Variants in SPON1 observed in about 807,000 individuals in gnomAD.
SPON1 encodes spondin 1.
A neutral mutation model predicts 111.7 loss-of-function variants in SPON1; 52 were observed. The ratio of observed to expected loss-of-function variants is 0.47; its 90% CI spans 0.37 to 0.59. The LOEUF (loss-of-function observed/expected upper bound fraction) is 0.59. Ranked by LOEUF, SPON1 falls within the 20% of genes least tolerant of loss-of-function variation. The probability of loss-of-function intolerance (pLI) is 0.00; values close to 1 mark genes in which losing one functional copy is unlikely to be tolerated. For missense variants in SPON1, 957 were observed against 1,068.5 expected, an observed-to-expected ratio of 0.90 and a Z score of 1.46; for synonymous variants, 410 against 395.8, an observed-to-expected ratio of 1.04 and a Z score of -0.43.
intron 5 of SPON1, among the ~76,000 whole-genome samples, chr11:14,119,238 T>C (rs145998440): frequency 7.1e-4 from 108 of 152,218 alleles, no homozygotes; most frequent in Non-Finnish European, 1.4e-3. Flanking sequence ...GGACTGCAGG[T>C]ACTTCGTGTA....
chr11:14,045,213 T>C (rs138726442), intron 3 of SPON1, among the ~76,000 whole-genome samples: 81 of 152,334 alleles, frequency 5.3e-4, no homozygotes, highest in African/African-American at 1.9e-3. Flanking sequence ...TTAAGATTCA[T>C]AAAGATTGTG....
intron 8 of SPON1, 88 bp from the exon 9 acceptor site, chr11:14,255,559 G>C: frequency 8.3e-7 from 1 of 1,209,764 alleles, no homozygotes; most frequent in Non-Finnish European, 1.2e-6. Flanking sequence ...TCCTATCAAG[G>C]ACTTTGCTCT....
At chr11:14,042,897 C>T (rs1161123303) in intron 3 of SPON1, among the ~76,000 whole-genome samples, 2 of 152,186 alleles carry the variant, frequency 1.3e-5, no homozygotes, top group African/African-American at 4.8e-5. Context: ...GTCTGGCCTC[C>T]CTTTGCCGCC....
chr11:13,986,308 A>C (rs1848182132), intron 2 of SPON1, among the ~76,000 whole-genome samples: 1 of 152,218 alleles, frequency 6.6e-6, no homozygotes, highest in Admixed American at 6.5e-5. Context: ...CTTCTGTTTA[A>C]CACCTTCACT....
intron 5 of SPON1, among the ~76,000 whole-genome samples, chr11:14,099,235 T>C (rs1849125189): frequency 6.6e-6 from 1 of 152,222 alleles, no homozygotes; most frequent in African/African-American, 2.4e-5. Flanking sequence ...AGTAAGATCA[T>C]TCACTATTTC....
Position 14,111,175 on chromosome 11 carries a change from A to G in SPON1, c.677-24245A>G, listed in dbSNP as rs189503175. 1.3e-3 allele frequency among the ~76,000 whole-genome samples: 201 copies of G among 152,278 alleles called. 4 individuals carry two copies. The highest frequency in any genetic ancestry group is 0.013 in the Admixed American group (200 of 15,298). Reference sequence around the variant, plus strand: ...AAGGGCTGCAAAAATCTCTCATATTACCCTCAACCCTTGGGCAGCAATCAT... The same window carrying G: ...AAGGGCTGCAAAAATCTCTCATATTGCCCTCAACCCTTGGGCAGCAATCAT... On this transcript the variant is annotated intron_variant, in intron 5 of 15. Coordinates refer to ENST00000576479, the MANE Select transcript of SPON1 (RefSeq NM_006108.4).
At chr11:14,178,787 T>C (rs1254337557) in intron 6 of SPON1, among the ~76,000 whole-genome samples, 1 of 146,842 alleles carries the variant, frequency 6.8e-6, no homozygotes, top group Non-Finnish European at 1.5e-5. Flanking sequence ...ATCCCTCATT[T>C]ATCCAGTGAC....
chr11:14,174,013 C>T (rs1848143324), intron 6 of SPON1, among the ~76,000 whole-genome samples: 1 of 152,270 alleles, frequency 6.6e-6, no homozygotes, highest in African/African-American at 2.4e-5. Context: ...GGATTACTGG[C>T]TTCAGGGTGG....
At chr11:14,078,667 A>C (rs782188274) in intron 4 of SPON1, among the ~76,000 whole-genome samples, 5 of 152,202 alleles carry the variant, frequency 3.3e-5, no homozygotes, top group Admixed American at 1.3e-4. Context: ...GACCTTGAAC[A>C]GGTTACCTAA....
intron 3 of SPON1, among the ~76,000 whole-genome samples, chr11:14,057,073 C>G (rs1464858934): frequency 6.6e-6 from 1 of 151,936 alleles, no homozygotes. Flanking sequence ...ACCAGTTAAA[C>G]AAGTGGATGG....
intron 6 of SPON1, among the ~76,000 whole-genome samples, chr11:14,232,294 C>T (rs1038797037): frequency 3.3e-5 from 5 of 152,056 alleles, no homozygotes; most frequent in Admixed American, 1.3e-4. Flanking sequence ...CCTCCTCCTC[C>T]GGAATGTAAG....
intron 1 of SPON1, among the ~76,000 whole-genome samples, chr11:13,971,326 A>G (rs1350109838): frequency 3.3e-5 from 5 of 152,204 alleles, no homozygotes; most frequent in African/African-American, 1.2e-4. Context: ...AAAAGGGCAG[A>G]GGCAAGGGGC....
At chr11:14,015,149 A>G (rs1288385273) in intron 2 of SPON1, among the ~76,000 whole-genome samples, 3 of 152,186 alleles carry the variant, frequency 2.0e-5, no homozygotes, top group Non-Finnish European at 4.4e-5. Flanking sequence ...AACCTGTATG[A>G]CCAGTGTCAT....
chr11:14,121,765 T>C (rs1405036847), intron 5 of SPON1, among the ~76,000 whole-genome samples: 1 of 152,222 alleles, frequency 6.6e-6, no homozygotes, highest in Non-Finnish European at 1.5e-5. Context: ...CTTCCTTTAA[T>C]ATTTCATATA....
chr11:14,052,088 G>A (rs782589392), intron 3 of SPON1, among the ~76,000 whole-genome samples: 31 of 152,162 alleles, frequency 2.0e-4, no homozygotes, highest in Non-Finnish European at 5.9e-5. Context: ...TCTGTCAGGA[G>A]TAGGACAGAG....
chr11:14,011,951 A>C (rs1352334106), intron 2 of SPON1, among the ~76,000 whole-genome samples: 1 of 152,110 alleles, frequency 6.6e-6, no homozygotes, highest in Non-Finnish European at 1.5e-5. Context: ...CTGTGTGTAA[A>C]ATGGCAGTAA....
At chr11:14,151,403 A>G (rs1382091633) in intron 6 of SPON1, among the ~76,000 whole-genome samples, 1 of 152,234 alleles carries the variant, frequency 6.6e-6, no homozygotes, top group Non-Finnish European at 1.5e-5. Flanking sequence ...GGAGAGATGC[A>G]GAGATTACAA....
intron 3 of SPON1, among the ~76,000 whole-genome samples, chr11:14,061,286 GAATTAGA>G (rs1848789414): frequency 6.6e-6 from 1 of 152,216 alleles, no homozygotes; most frequent in African/African-American, 2.4e-5. Flanking sequence ...AAGCTGGTAA[GAATTAGA>G]ATGTAGAAGG....
intron 6 of SPON1, among the ~76,000 whole-genome samples, chr11:14,239,384 C>A (rs1201697443): frequency 2.0e-5 from 3 of 152,172 alleles, no homozygotes; most frequent in African/African-American, 2.4e-5. Context: ...CCTCTTTTTA[C>A]CCTATTTCAC....
Sources: gnomAD v4.1 joint callset for allele counts (sites outside exome capture counted in the v4.1 genomes callset) on GRCh38, gnomAD v4.1.1 for gene constraint, MANE v1.5 for transcripts, NCBI Gene and HGNC (gene_info 2026-07-23, HGNC 2026-07-21) for gene names.